ASIC5: variants seen among roughly 807,000 people sequenced by gnomAD.
The protein encoded by ASIC5 is acid sensing ion channel subunit family member 5.
In ASIC5, 52 loss-of-function variants were observed where a neutral mutation model predicts 51.2. That is an observed-to-expected ratio of 1.02 (90% CI 0.81 to 1.28). ASIC5 has a LOEUF of 1.28. ASIC5 is among the 50% of genes most tolerant of loss of function. The probability of loss-of-function intolerance (pLI) is 0.00; values close to 1 mark genes in which losing one functional copy is unlikely to be tolerated. For synonymous variants in ASIC5, 231 were observed against 200.7 expected (o/e 1.15, Z -1.28); for missense variants, 635 against 595.0 (o/e 1.07, Z -0.70).
chr4:155,838,080 T>C (rs1281601736), intron 7 of ASIC5, among the ~76,000 whole-genome samples: 4 of 152,240 alleles, frequency 2.6e-5, no homozygotes, highest in African/African-American at 9.6e-5. Flanking sequence ...TGAAATATTT[T>C]ACAACCATTG....
At chr4:155,850,756 C>T (rs72956434) in intron 4 of ASIC5, among the ~76,000 whole-genome samples, 5,242 of 152,042 alleles carry the variant, frequency 0.034, 198 homozygotes, top group South Asian at 0.1. Flanking sequence ...AAAATCCCTG[C>T]CCTTATGTTA....
intron 2 of ASIC5, among the ~76,000 whole-genome samples, chr4:155,861,333 G>C (rs757927396): frequency 1.3e-5 from 2 of 151,964 alleles, no homozygotes; most frequent in Non-Finnish European, 2.9e-5. Context: ...CTGTCAAGTT[G>C]TTCTATTGAT....
intron 4 of ASIC5, among the ~76,000 whole-genome samples, chr4:155,850,037 T>C (rs1279707606): frequency 6.6e-6 from 1 of 151,810 alleles, no homozygotes; most frequent in African/African-American, 2.4e-5. Flanking sequence ...TAATAAACCA[T>C]CCTAACCATG....
At chr4:155,832,148 G>C (rs527996508) in intron 8 of ASIC5, among the ~76,000 whole-genome samples, 1 of 152,218 alleles carries the variant, frequency 6.6e-6, no homozygotes, top group South Asian at 2.1e-4. Context: ...TGAGAAACTA[G>C]AAAAAGACAT....
chr4:155,849,529 G>A (rs1296474033), intron 4 of ASIC5, among the ~76,000 whole-genome samples: 2 of 152,002 alleles, frequency 1.3e-5, no homozygotes, highest in East Asian at 3.9e-4. Flanking sequence ...GAAATTTTAT[G>A]TCCTAATTAA....
intron 2 of ASIC5, among the ~76,000 whole-genome samples, chr4:155,862,159 C>A (rs967912880): frequency 6.6e-6 from 1 of 152,016 alleles, no homozygotes; most frequent in Non-Finnish European, 1.5e-5. Flanking sequence ...TTTGTTAGAA[C>A]ACATGCTACT....
rs1741420639 is a variant in ASIC5 at position 155,853,047 on chromosome 4, CCTA to C, written c.586-734_586-732del. 2.6e-5 allele frequency among the ~76,000 whole-genome samples: 4 copies of C among 151,936 alleles called. No individual in the cohort carries two copies. The South Asian group carries it at 6.2e-4, about 24-fold the overall frequency. On this transcript the variant is annotated intron_variant, in intron 3 of 9. Transcript: ENST00000537611. ...TGGTTCAGCATTTTTTGAAGCCAGACCTACTGTTGGAGTTCCTGCTTAATTAAG... is the reference window on the plus strand; with the variant it reads ...TGGTTCAGCATTTTTTGAAGCCAGACCTGTTGGAGTTCCTGCTTAATTAAG...
At chr4:155,852,410 C>T in intron 3 of ASIC5, 94 bp from the exon 4 acceptor site, 4 of 989,898 alleles carry the variant, frequency 4.0e-6, no homozygotes, top group Non-Finnish European at 6.0e-6. Flanking sequence ...AGCACAAATA[C>T]CTAACAAGAC....
In ASIC5 at chr4:155,842,687, A is replaced by C. The variant is rs1256796236; in HGVS notation, c.862-333T>G. 2.0e-5 allele frequency among the ~76,000 whole-genome samples: 3 copies of C among 152,270 alleles called. No homozygotes were observed. The East Asian group carries it at 5.8e-4, about 29-fold the overall frequency. Reference sequence around the variant, plus strand: ...CAGCTCACCTACAAAACAGTGAAGAAAATCACATTTTAAAAAGATCCTTTA... The same window carrying C: ...CAGCTCACCTACAAAACAGTGAAGACAATCACATTTTAAAAAGATCCTTTA... On this transcript the variant is annotated intron_variant, in intron 5 of 9. Transcript: ENST00000537611.
intron 2 of ASIC5, among the ~76,000 whole-genome samples, chr4:155,861,749 A>G (rs2110770288): frequency 6.6e-6 from 1 of 152,096 alleles, no homozygotes; most frequent in Middle Eastern, 3.4e-3. Flanking sequence ...TGTCCTAAGT[A>G]TACCTTGGCT....
chr4:155,851,380 A>G (rs1370546364), intron 4 of ASIC5, among the ~76,000 whole-genome samples: 1 of 152,026 alleles, frequency 6.6e-6, no homozygotes, highest in African/African-American at 2.4e-5. Context: ...AAAGTAGCCA[A>G]TGGCATGATT....
chr4:155,850,408 A>G (rs145470387), intron 4 of ASIC5, among the ~76,000 whole-genome samples: 2 of 152,020 alleles, frequency 1.3e-5, no homozygotes, highest in Non-Finnish European at 2.9e-5. Flanking sequence ...TAAAATGTAT[A>G]AAACCAAGTT....
intron 9 of ASIC5, 145 bp downstream of exon 9, chr4:155,831,679 G>C (rs1740872444): frequency 2.1e-6 from 1 of 468,874 alleles, no homozygotes; most frequent in Admixed American, 4.0e-5. Context: ...GCTGAGGCAG[G>C]AGAATGGTGT....
chr4:155,848,757 A>T (rs1560747051), intron 4 of ASIC5, among the ~76,000 whole-genome samples: 1 of 152,064 alleles, frequency 6.6e-6, no homozygotes, highest in Non-Finnish European at 1.5e-5. Flanking sequence ...AAGAGGAAAA[A>T]CTTTCAGGAC....
chr4:155,829,785 C>G lies in ASIC5; in HGVS notation c.*71G>C. ...AACTCTCAAAACTATAGAAAAGTGA[C>G]GTAACAATGAATTAGTCAAGATAAA... On this transcript the variant is annotated 3_prime_UTR_variant, in exon 10 of 10. Coordinates refer to ENST00000537611, the MANE Select transcript of ASIC5 (RefSeq NM_017419.3). 1 of 943,076 alleles carries G rather than the reference C, an allele frequency of 1.1e-6. No individual in the cohort carries two copies. Among genetic ancestry groups the G allele is most frequent in the Non-Finnish European group, 1.5e-6 (1 of 654,218 alleles). The allele number at this position is 943,076 out of a possible 1,614,324, so 58.4% of individuals were successfully genotyped here.
At chr4:155,865,171 T>A (rs577404814) in intron 1 of ASIC5, 1 of 152,110 alleles carries the variant, frequency 6.6e-6, no homozygotes, top group East Asian at 1.9e-4. Context: ...AATTATATTA[T>A]GATTATTATT....
chr4:155,847,177 T>C (rs1322552106), intron 4 of ASIC5, among the ~76,000 whole-genome samples: 1 of 152,072 alleles, frequency 6.6e-6, no homozygotes, highest in Non-Finnish European at 1.5e-5. Flanking sequence ...AACTTTAATA[T>C]GATCAAGTTG....
At chr4:155,854,412 C>A in intron 2 of ASIC5, 98 bp from the exon 3 acceptor site, 1 of 843,934 alleles carries the variant, frequency 1.2e-6, no homozygotes, top group East Asian at 2.5e-5. Context: ...TTCTTCTTAT[C>A]TCCCACACTC....
rs35125837 is a variant in ASIC5 at position 155,836,637 on chromosome 4, G to GAA, written c.1235+50_1235+51dup. The GAA allele has an allele frequency of 5.6e-3, 5,726 of 1,030,832 alleles. 2 individuals are homozygous for GAA. Among genetic ancestry groups the GAA allele is most frequent in the Non-Finnish European group, 6.5e-3 (4,687 of 726,324 alleles). 63.9% of individuals were successfully genotyped at this position (1,030,832 alleles called of 1,614,324 possible). ...TGAGTCTTTGAGGGTTTTCAATAAA[G>GAA]AAAAAAAAATCTATGTTAATTATCA... On this transcript the variant is annotated intron_variant, in intron 8 of 9. Transcript: ENST00000537611.
Sources: allele counts gnomAD v4.1 joint callset (sites outside exome capture counted in the v4.1 genomes callset), GRCh38; gene constraint gnomAD v4.1.1; transcripts MANE v1.5; gene names NCBI Gene and HGNC (gene_info 2026-07-23, HGNC 2026-07-21).